The following MAGI1 variants were observed in gnomAD, a reference collection of about 807,000 sequenced individuals.
MAGI1 encodes the protein membrane associated guanylate kinase, WW and PDZ domain containing 1, also known as membrane-associated guanylate kinase, WW and PDZ domain-containing protein 1.
A neutral mutation model predicts 139.9 loss-of-function variants in MAGI1; 58 were observed. The ratio of observed to expected loss-of-function variants is 0.41; its 90% CI spans 0.34 to 0.52. The LOEUF (loss-of-function observed/expected upper bound fraction) is 0.52, where lower values mean the gene tolerates loss of function less well. Ranked by LOEUF, MAGI1 falls within the 20% of genes least tolerant of loss-of-function variation. The pLI, the probability that MAGI1 is intolerant of heterozygous loss-of-function variation, is 0.12. For missense variants in MAGI1, 1,874 were observed against 1,901.6 expected, an observed-to-expected ratio of 0.99 and a Z score of 0.27; for synonymous variants, 812 against 737.9, an observed-to-expected ratio of 1.10 and a Z score of -1.63.
intron 14 of MAGI1, chr3:65,387,064 C>T: frequency 7.7e-7 from 1 of 1,294,530 alleles, no homozygotes; most frequent in South Asian, 1.2e-5. Context: ...CTGAACTTCT[C>T]CCCAGGCCCC....
intron 1 of MAGI1, among the ~76,000 whole-genome samples, chr3:65,640,383 A>G (rs1027474279): frequency 1.3e-5 from 2 of 152,186 alleles, no homozygotes; most frequent in African/African-American, 4.8e-5. Context: ...ATAAATGAAT[A>G]AGTTGGATTC....
chr3:65,597,571 C>T, intron 2 of MAGI1: 2 of 431,772 alleles, frequency 4.6e-6, no homozygotes, highest in Admixed American at 4.8e-5. Context: ...CAGCCGCAGC[C>T]ATCTGGCCCT....
At chr3:65,966,603 G>T (rs905247170) in intron 1 of MAGI1, among the ~76,000 whole-genome samples, 8 of 152,174 alleles carry the variant, frequency 5.3e-5, no homozygotes, top group Admixed American at 2.6e-4. Context: ...AGGTGGGCAG[G>T]GGTAGGGGGG....
At chr3:65,626,406 C>T (rs1238087906) in intron 1 of MAGI1, among the ~76,000 whole-genome samples, 1 of 152,110 alleles carries the variant, frequency 6.6e-6, no homozygotes, top group Non-Finnish European at 1.5e-5. Flanking sequence ...CTCACAGTAG[C>T]CTTGACCTTT....
At chr3:65,631,548 T>C (rs2084303811) in intron 1 of MAGI1, among the ~76,000 whole-genome samples, 2 of 152,160 alleles carry the variant, frequency 1.3e-5, no homozygotes, top group South Asian at 4.1e-4. Flanking sequence ...TACTTCTGAT[T>C]ATCTTCTTGA....
intron 2 of MAGI1, among the ~76,000 whole-genome samples, chr3:65,611,431 T>C (rs963831489): frequency 6.2e-5 from 9 of 144,652 alleles, no homozygotes; most frequent in Non-Finnish European, 1.2e-4. Context: ...GTATACTGTA[T>C]ATACAGTATA....
intron 1 of MAGI1, among the ~76,000 whole-genome samples, chr3:65,659,910 G>C (rs1237854575): frequency 6.6e-6 from 1 of 152,080 alleles, no homozygotes; most frequent in Non-Finnish European, 1.5e-5. Context: ...TCCAGAGTTT[G>C]GTTACAATCT....
At chr3:65,434,789 G>C (rs1947716382) in intron 10 of MAGI1, among the ~76,000 whole-genome samples, 2 of 152,054 alleles carry the variant, frequency 1.3e-5, no homozygotes, top group African/African-American at 4.8e-5. Flanking sequence ...TTATAAAAGT[G>C]CTTGAAACGT....
At position 66,038,011 on chromosome 3, in the gene MAGI1, T is replaced by TGAAGGTGACGGCCTC. The variant is rs1245787021; in HGVS notation, c.283_297dup (p.Glu95_Phe99dup). On this transcript the variant is annotated inframe_insertion, in exon 1 of 23. Coordinates refer to ENST00000402939, the MANE Select transcript of MAGI1 (RefSeq NM_001033057.2). ...CCTGCCTTACCTTGTCTGACGGCCT[T>TGAAGGTGACGGCCTC]GAAGGTGACGGCCTCCTTGCAGCTG... The TGAAGGTGACGGCCTC allele has an allele frequency of 6.3e-7, 1 of 1,591,116 alleles. No homozygotes were observed.
rs141580417 is a variant in MAGI1, at chr3:65,899,082, G to A, written c.313+138914C>T. Among the ~76,000 whole-genome samples the A allele has an allele frequency of 1.1e-3, 160 of 151,978 alleles. 2 individuals are homozygous for A. The highest frequency in any genetic ancestry group is 3.8e-3 in the African/African-American group (157 of 41,484). ...GACTACAGGCACACACCACCACCACGCTCAGCTAATTTTTTTGTAGAGACG... is the reference window on the plus strand; with the variant it reads ...GACTACAGGCACACACCACCACCACACTCAGCTAATTTTTTTGTAGAGACG... On this transcript the variant is annotated intron_variant, in intron 1 of 22. Transcript: ENST00000402939.
chr3:65,915,081 T>C (rs915141186), intron 1 of MAGI1, among the ~76,000 whole-genome samples: 1 of 152,198 alleles, frequency 6.6e-6, no homozygotes, highest in Non-Finnish European at 1.5e-5. Context: ...GTCAATCTCT[T>C]AGGCAAATTG....
intron 12 of MAGI1, among the ~76,000 whole-genome samples, chr3:65,420,218 C>T (rs1160974603): frequency 6.6e-6 from 1 of 152,136 alleles, no homozygotes; most frequent in East Asian, 1.9e-4. Context: ...GTCCTGGCCT[C>T]CAGTCTCTGA....
chr3:65,638,627 T>TTTTTC (rs1198203750), intron 1 of MAGI1, among the ~76,000 whole-genome samples: 1 of 115,496 alleles, frequency 8.7e-6, no homozygotes, highest in Non-Finnish European at 1.7e-5. Flanking sequence ...TTTTTTTTTT[T>TTTTTC]CAGACAGAGT....
At chr3:65,747,016 C>G (rs4389510) in intron 1 of MAGI1, among the ~76,000 whole-genome samples, 1 of 152,070 alleles carries the variant, frequency 6.6e-6, no homozygotes, top group Non-Finnish European at 1.5e-5. Context: ...AGAGTGAGAT[C>G]TAAGCCAGGC....
intron 5 of MAGI1, among the ~76,000 whole-genome samples, chr3:65,463,189 C>T (rs7634638): frequency 1.3e-5 from 2 of 151,996 alleles, no homozygotes; most frequent in African/African-American, 2.4e-5. Context: ...CCAGTTTCAA[C>T]GGGAATGCTT....
At chr3:65,778,872 A>T (rs2038700222) in intron 1 of MAGI1, among the ~76,000 whole-genome samples, 1 of 152,214 alleles carries the variant, frequency 6.6e-6, no homozygotes, top group African/African-American at 2.4e-5. Context: ...TCAACCAGGG[A>T]CAGTTATACC....
At chr3:65,976,072 C>A (rs1351398421) in intron 1 of MAGI1, among the ~76,000 whole-genome samples, 1 of 152,112 alleles carries the variant, frequency 6.6e-6, no homozygotes, top group Non-Finnish European at 1.5e-5. Flanking sequence ...AGTGTTTCAT[C>A]CCAGTTCTAC....
intron 1 of MAGI1, among the ~76,000 whole-genome samples, chr3:65,985,053 T>C (rs2065809296): frequency 6.6e-6 from 1 of 152,226 alleles, no homozygotes; most frequent in Non-Finnish European, 1.5e-5. Context: ...TTGGTACTGA[T>C]GTCAACCCCA....
At chr3:65,366,734 A>G (rs1450544130) in intron 18 of MAGI1, among the ~76,000 whole-genome samples, 2 of 152,230 alleles carry the variant, frequency 1.3e-5, no homozygotes, top group Non-Finnish European at 2.9e-5. Context: ...TGATCCAAGA[A>G]GATTGTTTGG....
Sources: allele counts gnomAD v4.1 joint callset (sites outside exome capture counted in the v4.1 genomes callset), GRCh38; gene constraint gnomAD v4.1.1; transcripts MANE v1.5; gene names NCBI Gene and HGNC (gene_info 2026-07-23, HGNC 2026-07-21).